CD200: variants seen among roughly 807,000 people sequenced by gnomAD.
CD200 encodes the protein CD200 molecule.
A neutral mutation model predicts 30.9 loss-of-function variants in CD200; 15 were observed. The ratio of observed to expected loss-of-function variants is 0.49; its 90% CI spans 0.32 to 0.75. The LOEUF is 0.75. Among genes scored for constraint, CD200 ranks in the 30% least tolerant of loss-of-function variants. The probability of loss-of-function intolerance (pLI) is 0.03; values close to 1 mark genes in which losing one functional copy is unlikely to be tolerated. For missense variants in CD200, 262 were observed against 324.2 expected, an observed-to-expected ratio of 0.81 and a Z score of 1.47; for synonymous variants, 134 against 126.2, an observed-to-expected ratio of 1.06 and a Z score of -0.41.
rs1472334400 is a variant in CD200, at chr3:112,342,333, C to A, written c.94+1350C>A. ...TTCTTCTTTCTTTCTTTCTTTCTTT[C>A]TTTCCTTCTTTCTTTCTTTCTTTCT... is the stretch of plus-strand genomic sequence containing the variant. On this transcript the variant is annotated intron_variant, in intron 2 of 5. Coordinates refer to ENST00000315711, the MANE Select transcript of CD200 (RefSeq NM_005944.7). Among the ~76,000 whole-genome samples the A allele has an allele frequency of 9.5e-5, 2 of 21,048 alleles. 1 individual carries two copies. Among genetic ancestry groups the A allele is most frequent in the Admixed American group, 8.2e-4 (2 of 2,442 alleles). The allele number at this position is 21,048 out of a possible 152,430, so 13.8% of individuals were successfully genotyped here.
rs766976090 is a variant in CD200 at position 112,344,926 on chromosome 3, A to G, written c.95-36A>G. The G allele has an allele frequency of 5.5e-6, 8 of 1,443,908 alleles. No individual in the cohort carries two copies. The East Asian group carries it at 9.1e-5, about 16-fold the overall frequency. The allele number at this position is 1,443,908 out of a possible 1,614,324, so 89.4% of individuals were successfully genotyped here. A position where few individuals can be genotyped will look rare whatever the true frequency, so the allele number is the denominator to read the frequency against. The stretch of plus-strand genomic sequence containing the variant: ...CAGGAAAAAGTGTATGTGTGTTACA[A>G]TCTTTAAATATAAATGTTCTTTTAT... On this transcript the variant is annotated intron_variant, in intron 2 of 5. Transcript: ENST00000315711.
intron 3 of CD200, 39 bp downstream of exon 3, chr3:112,345,327 A>AC: frequency 6.6e-7 from 1 of 1,524,096 alleles, no homozygotes; most frequent in Non-Finnish European, 9.1e-7. Flanking sequence ...GTCTGGAAAT[A>AC]CTATTTGCAA....
chr3:112,346,412 T>C (rs945133418), intron 3 of CD200, among the ~76,000 whole-genome samples: 8 of 152,160 alleles, frequency 5.3e-5, no homozygotes, highest in African/African-American at 1.9e-4. Context: ...TTTGTATTTT[T>C]TTTTCCTGAA....
upstream of CD200, chr3:112,333,048 GC>G: frequency 1.1e-6 from 1 of 938,734 alleles, no homozygotes; most frequent in Non-Finnish European, 1.6e-6. Context: ...GACAGCCTCC[GC>G]TCCTGTGAGG....
At chr3:112,336,657 A>T (rs1452434411) in intron 1 of CD200, among the ~76,000 whole-genome samples, 5 of 140,496 alleles carry the variant, frequency 3.6e-5, no homozygotes, top group Non-Finnish European at 7.7e-5. Flanking sequence ...GTAGCAACAG[A>T]TGGGGCTAAA....
At position 112,347,698 on chromosome 3, in the gene CD200, C is replaced by A. The variant is rs771730831; in HGVS notation, c.562C>A (p.His188Asn). 6.2e-7 allele frequency: 1 copy of A among 1,614,084 alleles called. No homozygotes were observed. Among genetic ancestry groups the A allele is most frequent in the Admixed American group, 1.7e-5 (1 of 60,004 alleles). Residue 188 changes from histidine (H) to asparagine (N), a missense_variant, in exon 4 of 6, where the codon CAC becomes AAC. Coordinates refer to ENST00000315711, the MANE Select transcript of CD200 (RefSeq NM_005944.7). The part of the protein sequence containing the change: ...GIENSTVTLS[H>N]PNGTTSVTSI... ...TGAAAATAGTACAGTGACTCTGTCT[C>A]ACCCAAATGGGACCACGTCTGTTAC...
rs371103119 is a variant in CD200 at position 112,356,087 on chromosome 3, G to A, written c.803-5456G>A. Among the ~76,000 whole-genome samples the A allele has an allele frequency of 1.6e-4, 24 of 152,216 alleles. No individual in the cohort carries two copies. In the East Asian group the frequency reaches 4.2e-3, roughly 27 times the overall value. ...CAATTATGGAAATTTATCAATGAGA[G>A]GCTATTAAAAGAGAGCCTCTTGCCC... On this transcript the variant is annotated intron_variant, in intron 5 of 5. Coordinates refer to ENST00000315711, the MANE Select transcript of CD200 (RefSeq NM_005944.7).
At chr3:112,340,049 T>A (rs1156985125) in intron 1 of CD200, among the ~76,000 whole-genome samples, 2 of 152,202 alleles carry the variant, frequency 1.3e-5, no homozygotes, top group Non-Finnish European at 2.9e-5. Context: ...CCAGTTGGAA[T>A]AGTAACATGA....
chr3:112,342,858 A>G (rs1413025090), intron 2 of CD200, among the ~76,000 whole-genome samples: 1 of 152,224 alleles, frequency 6.6e-6, no homozygotes, highest in Non-Finnish European at 1.5e-5. Context: ...ATTTTATTGT[A>G]TTATGAACGG....
chr3:112,356,491 A>C (rs914825117), intron 5 of CD200, among the ~76,000 whole-genome samples: 11 of 152,196 alleles, frequency 7.2e-5, no homozygotes, highest in African/African-American at 2.7e-4. Flanking sequence ...TTTTTGTGGT[A>C]TGAACACATA....
intron 1 of CD200, among the ~76,000 whole-genome samples, chr3:112,340,268 T>G (rs542740549): frequency 6.6e-6 from 1 of 152,304 alleles, no homozygotes; most frequent in African/African-American, 2.4e-5. Context: ...CTTACCATTT[T>G]ATAGAAGGAT....
chr3:112,339,970 G>C (rs1029554769), intron 1 of CD200, among the ~76,000 whole-genome samples: 1 of 152,142 alleles, frequency 6.6e-6, no homozygotes, highest in Non-Finnish European at 1.5e-5. Flanking sequence ...ACAATTATGG[G>C]GTATTGTGGT....
intron 4 of CD200, among the ~76,000 whole-genome samples, chr3:112,349,117 A>C (rs545841179): frequency 3.3e-5 from 5 of 152,334 alleles, no homozygotes; most frequent in Non-Finnish European, 7.4e-5. Context: ...AGAGACTCCC[A>C]AATCAAGGAG....
At chr3:112,343,600 G>A (rs2081317818) in intron 2 of CD200, among the ~76,000 whole-genome samples, 1 of 151,896 alleles carries the variant, frequency 6.6e-6, no homozygotes, top group Non-Finnish European at 1.5e-5. Context: ...CACTGTACCT[G>A]GTAGTTTTTC....
intron 2 of CD200, 37 bp from the exon 3 acceptor site, chr3:112,344,924 CA>C: frequency 7.0e-7 from 1 of 1,429,724 alleles, no homozygotes; most frequent in African/African-American, 1.4e-5. Flanking sequence ...ATGTGTGTTA[CA>C]ATCTTTAAAT....
intron 1 of CD200, among the ~76,000 whole-genome samples, chr3:112,339,711 G>A (rs780102223): frequency 6.6e-6 from 1 of 152,226 alleles, no homozygotes; most frequent in Non-Finnish European, 1.5e-5. Flanking sequence ...TAGGCAGAAA[G>A]CCTTGTAGAA....
intron 1 of CD200, among the ~76,000 whole-genome samples, chr3:112,336,460 T>G (rs1463238693): frequency 6.6e-6 from 1 of 151,920 alleles, no homozygotes; most frequent in Non-Finnish European, 1.5e-5. Context: ...GGAAAATGAA[T>G]TCCAGCAGGG....
At chr3:112,350,068 G>A (rs2081501935) in intron 5 of CD200, 1 of 701,856 alleles carries the variant, frequency 1.4e-6, no homozygotes, top group African/African-American at 1.9e-5. Flanking sequence ...TCAAACAATG[G>A]TGATAGAACC....
chr3:112,359,476 G>A (rs1044590465), intron 5 of CD200, among the ~76,000 whole-genome samples: 52 of 152,104 alleles, frequency 3.4e-4, no homozygotes, highest in African/African-American at 1.2e-3. Context: ...ATGAAAGGAG[G>A]GCATGGAGGG....
Sources: gnomAD v4.1 joint callset for allele counts (sites outside exome capture counted in the v4.1 genomes callset) on GRCh38, gnomAD v4.1.1 for gene constraint, MANE v1.5 for transcripts, NCBI Gene and HGNC (gene_info 2026-07-23, HGNC 2026-07-21) for gene names.